The following BEND7 variants were observed in gnomAD, a reference collection of about 807,000 sequenced individuals.
BEND7 encodes BEN domain containing 7.
A neutral mutation model predicts 50.9 loss-of-function variants in BEND7; 28 were observed. That is an observed-to-expected ratio of 0.55 (90% CI 0.41 to 0.75). BEND7 has a LOEUF of 0.75. Ranked by LOEUF, BEND7 falls within the 30% of genes least tolerant of loss-of-function variation. The pLI is 0.00. For missense variants in BEND7, 477 were observed against 491.3 expected (o/e 0.97, Z 0.28); for synonymous variants, 170 against 183.9 (o/e 0.92, Z 0.61).
intron 2 of BEND7, among the ~76,000 whole-genome samples, chr10:13,514,483 T>C (rs1157778781): frequency 6.6e-6 from 1 of 152,184 alleles, no homozygotes; most frequent in Non-Finnish European, 1.5e-5. Context: ...ATCTCCATCT[T>C]CTTTCCAGTT....
intron 1 of BEND7, among the ~76,000 whole-genome samples, chr10:13,526,581 C>G (rs1255629868): frequency 6.6e-6 from 1 of 152,144 alleles, no homozygotes; most frequent in African/African-American, 2.4e-5. Context: ...CTTCACAACC[C>G]ATTTTCACCA....
chr10:13,512,783 A>C (rs990267326), intron 2 of BEND7, among the ~76,000 whole-genome samples: 2 of 152,232 alleles, frequency 1.3e-5, no homozygotes, highest in Non-Finnish European at 2.9e-5. Context: ...TTCAATGTAC[A>C]TATTATTAAT....
At chr10:13,488,086 C>CAAAAAAA (rs753018197) in intron 5 of BEND7, among the ~76,000 whole-genome samples, 6 of 68,518 alleles carry the variant, frequency 8.8e-5, no homozygotes, top group Non-Finnish European at 1.8e-4. Context: ...GTCTCAATTA[C>CAAAAAAA]AAAAAAAAAA....
At chr10:13,509,161 G>A (rs958697084) in intron 2 of BEND7, among the ~76,000 whole-genome samples, 1 of 152,240 alleles carries the variant, frequency 6.6e-6, no homozygotes, top group African/African-American at 2.4e-5. Flanking sequence ...AGCCAAAGGA[G>A]AGTAAGTATC....
chr10:13,482,062 G>A (rs915201769), intron 5 of BEND7, among the ~76,000 whole-genome samples: 3 of 152,160 alleles, frequency 2.0e-5, no homozygotes, highest in Non-Finnish European at 4.4e-5. Flanking sequence ...ACAACTCTCT[G>A]TTCCTGCTGT....
At chr10:13,514,321 CACT>C (rs1252201289) in intron 2 of BEND7, among the ~76,000 whole-genome samples, 4 of 152,296 alleles carry the variant, frequency 2.6e-5, no homozygotes, top group Non-Finnish European at 4.4e-5. Flanking sequence ...AAACCACCAC[CACT>C]GATGTGCAAG....
At position 13,487,388 on chromosome 10, in the gene BEND7, CTTTTTTTT is replaced by C. The variant is rs930230162; in HGVS notation, c.837+5215_837+5222del. 1.7e-4 allele frequency among the ~76,000 whole-genome samples: 21 copies of C among 122,812 alleles called. 1 individual carries two copies. In the South Asian group the frequency reaches 5.0e-3, roughly 29 times the overall value. The allele number at this position is 122,812 out of a possible 152,430, so 80.6% of individuals were successfully genotyped here. Reference sequence around the variant, plus strand: ...GCCTCAATTTCTTTTCTTTTCTTTTCTTTTTTTTTTTTTTTTGAGACGGAGTCTTGCTC... The same window carrying C: ...GCCTCAATTTCTTTTCTTTTCTTTTCTTTTTTTTGAGACGGAGTCTTGCTC... On this transcript the variant is annotated intron_variant, in intron 5 of 8. Coordinates refer to ENST00000466271, the MANE Select transcript of BEND7 (RefSeq NM_001369863.1).
chr10:13,454,339 G>A (rs1308326383), intron 6 of BEND7, among the ~76,000 whole-genome samples: 4 of 152,148 alleles, frequency 2.6e-5, no homozygotes, highest in African/African-American at 9.7e-5. Context: ...GGCATGGTGG[G>A]TAATGCCTGT....
intron 6 of BEND7, among the ~76,000 whole-genome samples, chr10:13,479,152 G>A (rs2075678738): frequency 6.6e-6 from 1 of 151,878 alleles, no homozygotes; most frequent in African/African-American, 2.4e-5. Flanking sequence ...GACTACAGGT[G>A]TGCATCATCA....
At chr10:13,447,239 A>G (rs1836557503) in intron 8 of BEND7, 27 bp downstream of exon 8, 1 of 1,612,284 alleles carries the variant, frequency 6.2e-7, no homozygotes, top group Non-Finnish European at 8.5e-7. Flanking sequence ...CCAGGAGGTG[A>G]TGAAAATGTA....
chr10:13,511,026 G>C (rs1463460278), intron 2 of BEND7, among the ~76,000 whole-genome samples: 3 of 152,098 alleles, frequency 2.0e-5, no homozygotes, highest in Non-Finnish European at 4.4e-5. Context: ...TAAAAAATAC[G>C]AAAATTAGCT....
At chr10:13,440,371 G>C (rs556910068), downstream of BEND7, among the ~76,000 whole-genome samples, 3 of 152,336 alleles carry the variant, frequency 2.0e-5, no homozygotes, top group South Asian at 2.1e-4. Flanking sequence ...GCGGACACCT[G>C]CAAGACTCAC....
At chr10:13,499,001 A>G (rs1478109309) in intron 3 of BEND7, among the ~76,000 whole-genome samples, 1 of 152,224 alleles carries the variant, frequency 6.6e-6, no homozygotes. Context: ...TAACTTCTTA[A>G]GGAAACTGAA....
intron 2 of BEND7, among the ~76,000 whole-genome samples, chr10:13,512,992 T>C (rs186676397): frequency 4.6e-5 from 7 of 152,258 alleles, no homozygotes; most frequent in Non-Finnish European, 7.4e-5. Flanking sequence ...CAGCAAAAAA[T>C]ACATTTTTCA....
chr10:13,469,159 G>T lies in BEND7; in HGVS notation c.1063+11740C>A, dbSNP rs1179714777. 2.0e-5 allele frequency among the ~76,000 whole-genome samples: 3 copies of T among 152,172 alleles called. No homozygotes were observed. In the East Asian group the frequency reaches 5.8e-4, roughly 29 times the overall value. ...ATTGGATTTACTCTGTCATCCAAGG[G>T]GTAGGGCTGATAGGAGGATGCTAGG... On this transcript the variant is annotated intron_variant, in intron 6 of 8. Transcript: ENST00000466271.
chr10:13,528,398 C>T, intron 1 of BEND7, 75 bp downstream of exon 1: 1 of 725,588 alleles, frequency 1.4e-6, no homozygotes, highest in Non-Finnish European at 1.7e-6. Flanking sequence ...GGGCGCGCCC[C>T]CCAGCGTGGA....
At chr10:13,514,460 A>C (rs1235957742) in intron 2 of BEND7, among the ~76,000 whole-genome samples, 1 of 152,202 alleles carries the variant, frequency 6.6e-6, no homozygotes, top group East Asian at 1.9e-4. Flanking sequence ...GCCTTCCCCG[A>C]GGGACATGTC....
chr10:13,447,427 C>G lies in BEND7; in HGVS notation c.1184-111G>C. ...ACTCCAGTATACATAACTGTTTTCACCATTCTTTTCTGTTTTCAGCTACCG... is the reference window on the plus strand; with the variant it reads ...ACTCCAGTATACATAACTGTTTTCAGCATTCTTTTCTGTTTTCAGCTACCG... On this transcript the variant is annotated intron_variant, in intron 7 of 8. Transcript: ENST00000466271. 3 of 1,028,984 alleles carry G rather than the reference C, an allele frequency of 2.9e-6. No homozygotes were observed. The Admixed American group carries it at 7.0e-5, about 24-fold the overall frequency. 63.7% of individuals were successfully genotyped at this position (1,028,984 alleles called of 1,614,324 possible).
At chr10:13,480,505 T>G in intron 6 of BEND7, 1 of 546,600 alleles carries the variant, frequency 1.8e-6, no homozygotes, top group Non-Finnish European at 2.3e-6. Context: ...AGAGAACCAT[T>G]TTACTTTATC....
Sources: gnomAD v4.1 joint callset for allele counts (sites outside exome capture counted in the v4.1 genomes callset) on GRCh38, gnomAD v4.1.1 for gene constraint, MANE v1.5 for transcripts, NCBI Gene and HGNC (gene_info 2026-07-23, HGNC 2026-07-21) for gene names.